Variants in RNF180 observed in about 807,000 individuals in gnomAD.
RNF180 encodes the protein ring finger protein 180.
Under a neutral mutation model 59.2 loss-of-function variants are expected in RNF180, and 38 were observed. That is an observed-to-expected ratio of 0.64 (90% CI 0.50 to 0.84). The LOEUF (loss-of-function observed/expected upper bound fraction) is 0.84. RNF180 is among the 40% of genes least tolerant of loss of function. The pLI, the probability that RNF180 is intolerant of heterozygous loss-of-function variation, is 0.00. For synonymous variants in RNF180, 262 were observed against 240.3 expected (o/e 1.09, Z -0.84); for missense variants, 705 against 700.9 (o/e 1.01, Z -0.07).
chr5:64,203,665 A>T lies in RNF180; in HGVS notation c.135+2723A>T, dbSNP rs571498821. Among the ~76,000 whole-genome samples, 50 of 152,260 alleles carry T rather than the reference A, an allele frequency of 3.3e-4. 4 individuals carry two copies. In the South Asian group the frequency reaches 0.01, roughly 31 times the overall value. ...AAAAATTATGTACTAAATATATATA[A>T]AATACACACAAATTATTTTAAAATG... On this transcript the variant is annotated intron_variant, in intron 2 of 7. Transcript: ENST00000389100.
intron 5 of RNF180, among the ~76,000 whole-genome samples, chr5:64,226,815 G>A (rs1741790692): frequency 6.6e-6 from 1 of 152,180 alleles, no homozygotes; most frequent in Admixed American, 6.5e-5. Context: ...TTGGCCACAT[G>A]GAAATCAGGA....
chr5:64,214,990 T>C (rs1446178918), intron 4 of RNF180, among the ~76,000 whole-genome samples: 1 of 152,200 alleles, frequency 6.6e-6, no homozygotes, highest in Non-Finnish European at 1.5e-5. Flanking sequence ...GCCTTAATCA[T>C]GGGCTCACAC....
Position 64,248,056 on chromosome 5 carries a change from C to T in RNF180, c.1227+30660C>T, listed in dbSNP as rs191429361. Among the ~76,000 whole-genome samples, 195 of 152,086 alleles carry T rather than the reference C, an allele frequency of 1.3e-3. 3 individuals are homozygous for T. The East Asian group carries it at 0.024, about 18-fold the overall frequency. ...GTTTTTGGGAAACTAGCTAGCCATA[C>T]GCAGAAAACTGAAACTGGACCCAAT... On this transcript the variant is annotated intron_variant, in intron 5 of 7. Transcript: ENST00000389100.
At chr5:64,267,934 T>G (rs1406410462) in intron 5 of RNF180, among the ~76,000 whole-genome samples, 1 of 152,174 alleles carries the variant, frequency 6.6e-6, no homozygotes, top group Non-Finnish European at 1.5e-5. Flanking sequence ...CATTTATCAT[T>G]GAAGGATATG....
At chr5:64,321,555 A>G (rs1283188395) in intron 5 of RNF180, among the ~76,000 whole-genome samples, 2 of 152,192 alleles carry the variant, frequency 1.3e-5, no homozygotes, top group African/African-American at 2.4e-5. Flanking sequence ...ATCCTCGTGG[A>G]TAGGAAGAAT....
chr5:64,299,431 C>T (rs1436553354), intron 5 of RNF180, among the ~76,000 whole-genome samples: 4 of 151,868 alleles, frequency 2.6e-5, no homozygotes, highest in Non-Finnish European at 5.9e-5. Context: ...ATCTTCTTTT[C>T]TGTCTTTAAT....
intron 5 of RNF180, among the ~76,000 whole-genome samples, chr5:64,303,982 A>G (rs1488917408): frequency 6.6e-6 from 1 of 151,616 alleles, no homozygotes; most frequent in Admixed American, 6.6e-5. Context: ...TGTTCAATTT[A>G]CCTGTTTCAT....
chr5:64,367,475 C>G (rs145466224), intron 7 of RNF180, among the ~76,000 whole-genome samples: 1 of 151,478 alleles, frequency 6.6e-6, no homozygotes, highest in Non-Finnish European at 1.5e-5. Flanking sequence ...ATTTAAAAAC[C>G]TATTTGAAAT....
intron 5 of RNF180, among the ~76,000 whole-genome samples, chr5:64,315,734 CAAA>C (rs869200360): frequency 1.5e-4 from 8 of 53,054 alleles, no homozygotes; most frequent in South Asian, 7.5e-4. Context: ...GTAACTGTCT[CAAA>C]AAAAAAAAAA....
intron 5 of RNF180, among the ~76,000 whole-genome samples, chr5:64,321,802 A>G (rs546078008): frequency 1.3e-5 from 2 of 152,278 alleles, no homozygotes; most frequent in South Asian, 2.1e-4. Flanking sequence ...GCATGATACT[A>G]GTACCCAAAC....
At chr5:64,206,039 C>G (rs1319449113) in intron 2 of RNF180, among the ~76,000 whole-genome samples, 1 of 152,082 alleles carries the variant, frequency 6.6e-6, no homozygotes, top group Non-Finnish European at 1.5e-5. Context: ...CAGACATTTC[C>G]TTCAGTGTGC....
At chr5:64,334,600 T>C (rs1745045185) in intron 7 of RNF180, among the ~76,000 whole-genome samples, 1 of 152,224 alleles carries the variant, frequency 6.6e-6, no homozygotes, top group South Asian at 2.1e-4. Flanking sequence ...CATTTCTTTG[T>C]ATAAGTATAC....
At chr5:64,287,414 A>G (rs1742345587) in intron 5 of RNF180, among the ~76,000 whole-genome samples, 1 of 152,204 alleles carries the variant, frequency 6.6e-6, no homozygotes, top group African/African-American at 2.4e-5. Context: ...GTGCACATCC[A>G]GAATATCTAG....
Position 64,325,200 on chromosome 5 carries a change from G to C in RNF180, c.1242G>C (p.Glu414Asp), listed in dbSNP as rs560651313. ...GLLDHMTLNN[E>D]MSTDEDNEYA... ...ATGTTTTGCAGACTTTGAATAATGA[G>C]ATGAGTACAGATGAAGACAATGAAT... Residue 414 changes from glutamate (E) to aspartate (D), a missense_variant, in exon 6 of 8, where the codon GAG (glutamate) becomes GAC (aspartate). Transcript: ENST00000389100. The C allele has an allele frequency of 7.0e-5, 108 of 1,549,210 alleles. 2 individuals are homozygous for C. In the South Asian group the frequency reaches 1.2e-3, roughly 17 times the overall value.
intron 5 of RNF180, among the ~76,000 whole-genome samples, chr5:64,298,340 C>G (rs1742996481): frequency 6.6e-6 from 1 of 151,870 alleles, no homozygotes; most frequent in Admixed American, 6.6e-5. Context: ...GTTGGCATTG[C>G]CTAGGTTGTC....
At chr5:64,300,268 G>A (rs1347659989) in intron 5 of RNF180, among the ~76,000 whole-genome samples, 1 of 151,700 alleles carries the variant, frequency 6.6e-6, no homozygotes, top group Non-Finnish European at 1.5e-5. Context: ...AAAAATTTGT[G>A]CTAGTTTTGC....
chr5:64,369,941 G>T lies in RNF180; in HGVS notation c.*127G>T. The T allele has an allele frequency of 1.9e-6, 1 of 530,298 alleles. No individual in the cohort carries two copies. Among genetic ancestry groups the T allele is most frequent in the Non-Finnish European group, 3.2e-6 (1 of 313,238 alleles). 32.8% of individuals were successfully genotyped at this position (530,298 alleles called of 1,614,324 possible). On this transcript the variant is annotated 3_prime_UTR_variant, in exon 8 of 8. Transcript: ENST00000389100. ...TACAAATTGTTGATGTTTATAGAAA[G>T]CCTGAGAATAATGAATTTATTTATT...
intron 5 of RNF180, among the ~76,000 whole-genome samples, chr5:64,244,398 C>G (rs887245213): frequency 8.6e-6 from 1 of 116,452 alleles, no homozygotes; most frequent in East Asian, 2.0e-4. Context: ...ACATAAATGA[C>G]CTGATGGAGC....
intron 1 of RNF180, among the ~76,000 whole-genome samples, chr5:64,182,363 C>G (rs1388985463): frequency 6.6e-6 from 1 of 152,142 alleles, no homozygotes; most frequent in Non-Finnish European, 1.5e-5. Context: ...CTTCACTAAT[C>G]ACCATTAAAT....
Sources: allele counts gnomAD v4.1 joint callset (sites outside exome capture counted in the v4.1 genomes callset), GRCh38; gene constraint gnomAD v4.1.1; transcripts MANE v1.5; gene names NCBI Gene and HGNC (gene_info 2026-07-23, HGNC 2026-07-21).